ATP2A1: variants seen among roughly 807,000 people sequenced by gnomAD.
ATP2A1 encodes ATPase sarcoplasmic/endoplasmic reticulum Ca2+ transporting 1.
Under a neutral mutation model 109.5 loss-of-function variants are expected in ATP2A1, and 83 were observed. The ratio of observed to expected loss-of-function variants is 0.76; its 90% confidence interval spans 0.63 to 0.91. ATP2A1 has a LOEUF of 0.91. ATP2A1 is among the 40% of genes least tolerant of loss of function. The pLI is 0.00. For missense variants in ATP2A1, 1,101 were observed against 1,341.0 expected (o/e 0.82, Z 2.80); for synonymous variants, 505 against 537.6 (o/e 0.94, Z 0.84).
At position 28,904,358 on chromosome 16, in the gene ATP2A1, C is replaced by T. The variant is rs951425927; in HGVS notation, c.*216C>T. On this transcript the variant is annotated 3_prime_UTR_variant, in exon 23 of 23. Transcript: ENST00000395503. ...TCCTTCCCCCTCGGCCACCCGCCTC[C>T]CTCTCAACCTTGTAAATTCCCCTTC... 26 of 1,542,930 alleles carry T rather than the reference C, an allele frequency of 1.7e-5. No individual in the cohort carries two copies. The highest frequency in any genetic ancestry group is 2.2e-5 in the Non-Finnish European group (25 of 1,149,584).
chr16:28,884,683 T>G (rs370794367), intron 6 of ATP2A1, 28 bp downstream of exon 6: 59 of 1,580,562 alleles, frequency 3.7e-5, no homozygotes, highest in Admixed American at 1.3e-4. Flanking sequence ...GGAAGATGCA[T>G]GGGGGTGGGA....
At position 28,903,172 on chromosome 16, in the gene ATP2A1, GCCCAC is replaced by G; in HGVS notation, c.2862+30_2862+34del. Reference sequence around the variant, plus strand: ...GGTGAGGTTTCTTCCGCCCAGGGCCGCCCACCCCAGCACTGGGGAGCCCACGGCGG... The same window carrying G: ...GGTGAGGTTTCTTCCGCCCAGGGCCGCCCAGCACTGGGGAGCCCACGGCGG... On this transcript the variant is annotated intron_variant, in intron 20 of 22. Coordinates refer to ENST00000395503, the MANE Select transcript of ATP2A1 (RefSeq NM_004320.6). The surrounding 1 kb of genome is among the most constrained non-coding windows in gnomAD (Gnocchi z 5.6). 1 of 1,610,330 alleles carries G rather than the reference GCCCAC, an allele frequency of 6.2e-7. No individual in the cohort carries two copies. Among genetic ancestry groups the G allele is most frequent in the Non-Finnish European group, 8.5e-7 (1 of 1,177,412 alleles).
At position 28,900,437 on chromosome 16, in the gene ATP2A1, G is replaced by A. The variant is rs1392954540; in HGVS notation, c.1765-144G>A. The A allele has an allele frequency of 4.4e-5, 35 of 794,640 alleles. No individual in the cohort carries two copies. The East Asian group carries it at 9.2e-4, about 21-fold the overall frequency. 49.2% of individuals were successfully genotyped at this position (794,640 alleles called of 1,614,324 possible). A position where few individuals can be genotyped will look rare whatever the true frequency, so the allele number is the denominator to read the frequency against. On this transcript the variant is annotated intron_variant, in intron 14 of 22. Transcript: ENST00000395503. Reference sequence around the variant, plus strand: ...CCACTGAGGTCTGACACCAGGCCCTGAGGCGGCAAGCCCAGGGTTCAGGCT... The same window carrying A: ...CCACTGAGGTCTGACACCAGGCCCTAAGGCGGCAAGCCCAGGGTTCAGGCT...
chr16:28,887,508 A>G lies in ATP2A1; in HGVS notation c.714A>G (p.Gln238=). The change falls in exon 8 of 23, where the codon CAA becomes CAG. Residue 238 remains glutamine, a synonymous_variant. Transcript: ENST00000395503. ...VGTEIGKIRD[Q]MAATEQDKTP... ...CCGAGATTGGGAAGATCCGAGACCA[A>G]ATGGCTGCCACAGAACAGGACAAGA... 1 of 1,613,902 alleles carries G rather than the reference A, an allele frequency of 6.2e-7. No homozygotes were observed.
At position 28,900,844 on chromosome 16, in the gene ATP2A1, CG is replaced by C; in HGVS notation, c.2029del (p.Ala677ProfsTer24). 2 of 1,614,220 alleles carry C rather than the reference CG, an allele frequency of 1.2e-6. No individual in the cohort carries two copies. The highest frequency in any genetic ancestry group is 1.7e-6 in the Non-Finnish European group (2 of 1,180,048). On this transcript the variant is annotated frameshift_variant, in exon 15 of 23. Coordinates refer to ENST00000395503, the MANE Select transcript of ATP2A1 (RefSeq NM_004320.6). LOFTEE classifies it high-confidence loss of function. ...REACRRACCF[A>X]RVEPSHKSKI... ...AAGCCTGCCGACGTGCCTGCTGCTT[CG>C]CCCGTGTGGAGCCCTCGCACAAGTC...
Position 28,903,498 on chromosome 16 carries a change from C to T in ATP2A1, c.2980+58C>T, listed in dbSNP as rs1964152521. The stretch of plus-strand genomic sequence containing the variant: ...CCCCACCACAGCCCCTTCCCCATGA[C>T]GCCGCCCCCGCCCCGCCCCGTACTT... On this transcript the variant is annotated intron_variant, in intron 21 of 22. Coordinates refer to ENST00000395503, the MANE Select transcript of ATP2A1 (RefSeq NM_004320.6). This position sits in a 1 kb window ranked among gnomAD's most constrained non-coding sequence, Gnocchi z 5.6. The T allele has an allele frequency of 8.9e-6, 13 of 1,458,690 alleles. No individual in the cohort carries two copies. The highest frequency in any genetic ancestry group is 2.8e-5 in the African/African-American group (2 of 71,358). The allele number at this position is 1,458,690 out of a possible 1,614,324, so 90.4% of individuals were successfully genotyped here.
chr16:28,887,691 C>T lies in ATP2A1; in HGVS notation c.897C>T (p.Ala299=), dbSNP rs545916900. The change falls in exon 8 of 23, where the codon GCC becomes GCT. Residue 299 remains alanine (A), a synonymous_variant. Transcript: ENST00000395503. ...GGGCCATCTACTACTTTAAGATTGC[C>T]GTGGCCTTGGCTGTGGCTGCCATCC... is the stretch of plus-strand genomic sequence containing the variant. The part of the protein sequence containing the change: ...FRGAIYYFKI[A]VALAVAAIPE... 1.4e-5 allele frequency: 22 copies of T among 1,614,076 alleles called. No homozygotes were observed. The highest frequency in any genetic ancestry group is 1.2e-4 in the African/African-American group (9 of 75,050).
chr16:28,880,554 A>G lies in ATP2A1; in HGVS notation c.220-361A>G, dbSNP rs575102097. ...GGGGGCCAGACCGCCTGCGAAGACC[A>G]CAGGGTTTTTCCTCTCGGGTTTTGG... On this transcript the variant is annotated intron_variant, in intron 3 of 22. Transcript: ENST00000395503. The surrounding 1 kb of genome is among the most constrained non-coding windows in gnomAD (Gnocchi z 4.2). 6.6e-6 allele frequency among the ~76,000 whole-genome samples: 1 copy of G among 152,356 alleles called. No homozygotes were observed. Among genetic ancestry groups the G allele is most frequent in the East Asian group, 1.9e-4 (1 of 5,184 alleles).
chr16:28,895,610 G>A (rs1450211435), intron 12 of ATP2A1, among the ~76,000 whole-genome samples: 2 of 151,598 alleles, frequency 1.3e-5, no homozygotes, highest in Non-Finnish European at 2.9e-5. Context: ...AGGATCACTT[G>A]AGCCCAGGAG....
intron 2 of ATP2A1, 163 bp from the exon 3 acceptor site, chr16:28,879,338 G>GT (rs1963381212): frequency 1.2e-6 from 1 of 859,596 alleles, no homozygotes; most frequent in Non-Finnish European, 1.9e-6. Context: ...TGCCGAGTCT[G>GT]TTTCTGGACT....
At chr16:28,901,644 T>C (rs954247544) in intron 15 of ATP2A1, among the ~76,000 whole-genome samples, 3 of 150,822 alleles carry the variant, frequency 2.0e-5, no homozygotes, top group African/African-American at 7.3e-5. Flanking sequence ...AAAAAAAAAG[T>C]GTGCCGATCT....
intron 12 of ATP2A1, among the ~76,000 whole-genome samples, chr16:28,896,529 C>T (rs1237413656): frequency 6.6e-6 from 1 of 152,074 alleles, no homozygotes; most frequent in Non-Finnish European, 1.5e-5. Flanking sequence ...TCTCTTGCCT[C>T]GGCCTCCTGA....
intron 7 of ATP2A1, 68 bp from the exon 8 acceptor site, chr16:28,887,357 T>C (rs1377955491): frequency 7.4e-6 from 12 of 1,612,456 alleles, no homozygotes; most frequent in Non-Finnish European, 9.3e-6. Context: ...TGAGAAGAGA[T>C]GGCGTGGGGA....
intron 9 of ATP2A1, 123 bp from the exon 10 acceptor site, chr16:28,894,032 G>T (rs1963849006): frequency 1.3e-6 from 1 of 773,158 alleles, no homozygotes; most frequent in African/African-American, 1.7e-5. Flanking sequence ...GGGATGAGGA[G>T]GGGTGAGTAG....
In ATP2A1 at chr16:28,902,485, C is replaced by A. The variant is rs1596687446; in HGVS notation, c.2525-95C>A. On this transcript the variant is annotated intron_variant, in intron 17 of 22. Transcript: ENST00000395503. This position sits in a 1 kb window ranked among gnomAD's most constrained non-coding sequence, Gnocchi z 4.8. ...TGCAGGTGCTGAGAGGGTCTTCTTC[C>A]TTGGCCAGCCTGTCCATGGCCACAT... is the stretch of plus-strand genomic sequence containing the variant. 1 of 1,566,900 alleles carries A rather than the reference C, an allele frequency of 6.4e-7. No homozygotes were observed. The highest frequency in any genetic ancestry group is 8.7e-7 in the Non-Finnish European group (1 of 1,145,806).
Position 28,904,101 on chromosome 16 carries a change from G to A in ATP2A1, c.*38-79G>A, listed in dbSNP as rs951372214. On this transcript the variant is annotated intron_variant, in intron 22 of 22. Coordinates refer to ENST00000395503, the MANE Select transcript of ATP2A1 (RefSeq NM_004320.6). ...TAAGCTTCTGAGCCTCCAGGTAAGTGCGTGCCTGGGAGATGCACCTGGGAG... is the reference window on the plus strand; with the variant it reads ...TAAGCTTCTGAGCCTCCAGGTAAGTACGTGCCTGGGAGATGCACCTGGGAG... The A allele has an allele frequency of 7.6e-6, 10 of 1,309,916 alleles. No homozygotes were observed. In the African/African-American group the frequency reaches 1.0e-4, roughly 13 times the overall value. 81.1% of individuals were successfully genotyped at this position (1,309,916 alleles called of 1,614,324 possible).
Position 28,883,624 on chromosome 16 carries a change from G to T in ATP2A1, c.464-951G>T, listed in dbSNP as rs951786863. ...GGGAGATTCTTAGCCTCCTCCTAAG[G>T]TCTCTGAGTCTGGCTGGGCATCCAC... On this transcript the variant is annotated intron_variant, in intron 5 of 22. Coordinates refer to ENST00000395503, the MANE Select transcript of ATP2A1 (RefSeq NM_004320.6). The surrounding 1 kb of genome is among the most constrained non-coding windows in gnomAD (Gnocchi z 5.2). Among the ~76,000 whole-genome samples, 8 of 152,222 alleles carry T rather than the reference G, an allele frequency of 5.3e-5. No individual in the cohort carries two copies. Among genetic ancestry groups the T allele is most frequent in the Admixed American group, 1.3e-4 (2 of 15,296 alleles).
At chr16:28,879,686 A>C (rs1243702454) in intron 3 of ATP2A1, 103 bp downstream of exon 3, 1 of 1,338,666 alleles carries the variant, frequency 7.5e-7, no homozygotes, top group Non-Finnish European at 1.0e-6. Context: ...AGTCCCGAGC[A>C]TCCCATTGTA....
chr16:28,890,813 G>A (rs1442879432), intron 9 of ATP2A1, among the ~76,000 whole-genome samples: 1 of 151,990 alleles, frequency 6.6e-6, no homozygotes, highest in Non-Finnish European at 1.5e-5. Context: ...AGCCTCCTGA[G>A]TAGCTGGGAC....
Sources: allele counts gnomAD v4.1 joint callset (sites outside exome capture counted in the v4.1 genomes callset), GRCh38; gene constraint gnomAD v4.1.1; non-coding constraint Gnocchi (gnomAD v3.1); transcripts MANE v1.5; gene names NCBI Gene and HGNC (gene_info 2026-07-23, HGNC 2026-07-21).